The following DPP6 variants were observed in gnomAD, a reference collection of about 807,000 sequenced individuals.
DPP6 encodes dipeptidyl peptidase like 6.
A neutral mutation model predicts 122.6 loss-of-function variants in DPP6; 69 were observed. The ratio of observed to expected loss-of-function variants is 0.56; its 90% confidence interval spans 0.46 to 0.69. The LOEUF (loss-of-function observed/expected upper bound fraction) is 0.69. Ranked by LOEUF, DPP6 falls within the 30% of genes least tolerant of loss-of-function variation. The probability of loss-of-function intolerance (pLI) is 0.00; values close to 1 mark genes in which losing one functional copy is unlikely to be tolerated. For synonymous variants in DPP6, 418 were observed against 433.1 expected (o/e 0.97, Z 0.43); for missense variants, 928 against 1,116.9 (o/e 0.83, Z 2.41).
At chr7:153,815,732 T>C in the DPP6 span, among the ~76,000 whole-genome samples, 1 of 152,190 alleles carries the variant, frequency 6.6e-6, no homozygotes, top group Non-Finnish European at 1.5e-5. Flanking sequence ...GATCTGGTCA[T>C]CAACACTCCT....
chr7:154,338,564 A>G (rs1809634900), intron 1 of DPP6, among the ~76,000 whole-genome samples: 1 of 152,228 alleles, frequency 6.6e-6, no homozygotes, highest in South Asian at 2.1e-4. Context: ...ATCCTTCCCC[A>G]GGGCCAGTGT....
the DPP6 span, among the ~76,000 whole-genome samples, chr7:153,799,320 C>T: frequency 6.6e-6 from 1 of 152,158 alleles, no homozygotes; most frequent in Non-Finnish European, 1.5e-5. Context: ...CAGCCATACC[C>T]ATCTTCAATC....
intron 1 of DPP6, among the ~76,000 whole-genome samples, chr7:154,331,378 A>T (rs1460210933): frequency 6.6e-6 from 1 of 152,154 alleles, no homozygotes; most frequent in Non-Finnish European, 1.5e-5. Context: ...GGTCTGAGGG[A>T]CCTCACTTGA....
intron 1 of DPP6, among the ~76,000 whole-genome samples, chr7:154,442,199 C>T (rs976867954): frequency 5.3e-5 from 8 of 152,108 alleles, no homozygotes; most frequent in South Asian, 2.1e-4. Flanking sequence ...AAGTTTTGTA[C>T]GAGACATTGA....
intron 1 of DPP6, among the ~76,000 whole-genome samples, chr7:154,171,792 A>G (rs1289831245): frequency 7.5e-6 from 1 of 134,156 alleles, no homozygotes; most frequent in Non-Finnish European, 1.6e-5. Context: ...ACCTGTGACA[A>G]CTGAACAATC....
intron 1 of DPP6, among the ~76,000 whole-genome samples, chr7:154,248,138 A>C (rs1193194459): frequency 1.3e-5 from 2 of 151,958 alleles, no homozygotes; most frequent in Non-Finnish European, 1.5e-5. Flanking sequence ...TTGTAAGTGC[A>C]CTCATCCCAT....
chr7:154,146,840 C>T (rs1386096053), intron 1 of DPP6, among the ~76,000 whole-genome samples: 3 of 151,990 alleles, frequency 2.0e-5, no homozygotes. Context: ...CCCTGCTCCC[C>T]TGGGTGCACT....
chr7:154,440,612 C>G lies in DPP6; in HGVS notation c.244-5602C>G, dbSNP rs566238866. Reference sequence around the variant, plus strand: ...TACCTAACCATGGGTATAGTTATATCGTAGAAAAGGCCACTTTCCATTTTG... The same window carrying G: ...TACCTAACCATGGGTATAGTTATATGGTAGAAAAGGCCACTTTCCATTTTG... On this transcript the variant is annotated intron_variant, in intron 1 of 25. Transcript: ENST00000377770. 2.0e-5 allele frequency among the ~76,000 whole-genome samples: 3 copies of G among 152,252 alleles called. No homozygotes were observed. In the South Asian group the frequency reaches 6.2e-4, roughly 32 times the overall value.
At chr7:154,555,024 C>T (rs1177606091) in intron 4 of DPP6, among the ~76,000 whole-genome samples, 1 of 151,856 alleles carries the variant, frequency 6.6e-6, no homozygotes, top group Non-Finnish European at 1.5e-5. Flanking sequence ...GGTTGTTTAC[C>T]AAGAACCAAC....
chr7:154,685,409 G>A (rs923088865), intron 7 of DPP6, among the ~76,000 whole-genome samples: 1 of 152,310 alleles, frequency 6.6e-6, no homozygotes, highest in South Asian at 2.1e-4. Context: ...GTGGCTGCAT[G>A]CCCAGAGGCT....
intron 2 of DPP6, among the ~76,000 whole-genome samples, chr7:154,459,296 C>T (rs953663459): frequency 1.4e-4 from 21 of 152,114 alleles, no homozygotes; most frequent in Admixed American, 3.3e-4. Context: ...TCGTAGGCAT[C>T]GGGTGAAGAA....
At chr7:153,976,952 G>A (rs1353903004) in intron 1 of DPP6, among the ~76,000 whole-genome samples, 1 of 152,218 alleles carries the variant, frequency 6.6e-6, no homozygotes, top group East Asian at 1.9e-4. Context: ...CAGGGTCGGG[G>A]TGAGCCGTGG....
chr7:154,425,816 A>C (rs535285029), intron 1 of DPP6, among the ~76,000 whole-genome samples: 2 of 151,938 alleles, frequency 1.3e-5, no homozygotes, highest in Admixed American at 1.3e-4. Context: ...CTAATTTTTA[A>C]ATGTTTTGTA....
chr7:154,889,093 AC>A (rs1258646354), intron 23 of DPP6, among the ~76,000 whole-genome samples, 178 bp from the exon 24 acceptor site: 1 of 152,098 alleles, frequency 6.6e-6, no homozygotes, highest in South Asian at 2.1e-4. Context: ...GTCAAACCAT[AC>A]CACTGGGCTT....
chr7:154,155,236 A>T (rs1003762958), intron 1 of DPP6, among the ~76,000 whole-genome samples: 1 of 152,150 alleles, frequency 6.6e-6, no homozygotes, highest in African/African-American at 2.4e-5. Context: ...TGTCCTGGGC[A>T]TTGGGTAAGG....
intron 16 of DPP6, among the ~76,000 whole-genome samples, chr7:154,816,384 G>T (rs1799426084): frequency 6.6e-6 from 1 of 152,126 alleles, no homozygotes; most frequent in South Asian, 2.1e-4. Flanking sequence ...ATTTATAAAT[G>T]AAACTTTATA....
chr7:154,484,962 GT>G (rs34219885), intron 3 of DPP6, among the ~76,000 whole-genome samples: 51,575 of 150,640 alleles, frequency 0.34, 8,935 homozygotes, highest in Admixed American at 0.38. Flanking sequence ...AAACAGATGG[GT>G]TTTTTTTTTA....
intron 6 of DPP6, among the ~76,000 whole-genome samples, chr7:154,647,253 G>A (rs1208639216): frequency 6.6e-6 from 1 of 152,184 alleles, no homozygotes; most frequent in Non-Finnish European, 1.5e-5. Context: ...TGATTTTGGT[G>A]TCCAGCTGGG....
At chr7:153,914,629 C>T (rs1327038145) in intron 1 of DPP6, among the ~76,000 whole-genome samples, 1 of 152,204 alleles carries the variant, frequency 6.6e-6, no homozygotes, top group Non-Finnish European at 1.5e-5. Context: ...ATAACATTCA[C>T]TGCATTTGGA....
Sources: gnomAD v4.1 joint callset for allele counts (sites outside exome capture counted in the v4.1 genomes callset) on GRCh38, gnomAD v4.1.1 for gene constraint, MANE v1.5 for transcripts, NCBI Gene and HGNC (gene_info 2026-07-23, HGNC 2026-07-21) for gene names.